The following DUSP29 variants were observed in gnomAD, a reference collection of about 807,000 sequenced individuals.
The protein encoded by DUSP29 is dual specificity phosphatase 29, also known as atypical dual-specific protein phosphatase.
In DUSP29, 12 loss-of-function variants were observed where a neutral mutation model predicts 13.5. That is an observed-to-expected ratio of 0.89 (90% CI 0.57 to 1.44). DUSP29 has a LOEUF of 1.44. Ranked by LOEUF, DUSP29 falls within the 40% of genes most tolerant of loss-of-function variation. DUSP29 has a pLI of 0.00. For missense variants in DUSP29, 308 were observed against 301.1 expected (o/e 1.02, Z -0.17); for synonymous variants, 134 against 128.7 (o/e 1.04, Z -0.28).
intron 2 of DUSP29, 46 bp from the exon 3 acceptor site, chr10:75,044,063 C>T (rs374283163): frequency 5.1e-6 from 8 of 1,566,174 alleles, no homozygotes; most frequent in East Asian, 2.3e-5. Flanking sequence ...CGCCCTGCCC[C>T]GGGTCCGGGA....
chr10:75,043,842 A>G lies in DUSP29; in HGVS notation c.376T>C (p.Tyr126His), dbSNP rs746477341. The G allele has an allele frequency of 3.1e-6, 5 of 1,610,190 alleles. No individual in the cohort carries two copies. The highest frequency in any genetic ancestry group is 4.2e-6 in the Non-Finnish European group (5 of 1,179,810). Residue 126 changes from tyrosine to histidine, a missense_variant, in exon 3 of 4, where the codon TAC (tyrosine) becomes CAC (histidine). By Grantham distance (83) the Tyr-to-His change is moderately conservative. Transcript: ENST00000338487. ...CTGTCGATGAAGGCTGCCGCCGGGT[A>G]GAAGAAGACACTGAGGTCGAAGGTG... ...LPTFDLSVFF[Y>H]PAAAFIDRAL...
At chr10:75,044,069 C>G (rs769867412) in intron 2 of DUSP29, 52 bp from the exon 3 acceptor site, 4 of 1,551,708 alleles carry the variant, frequency 2.6e-6, no homozygotes, top group East Asian at 4.6e-5. Context: ...GCCCCGGGTC[C>G]GGGAAACTCA....
intron 2 of DUSP29, among the ~76,000 whole-genome samples, chr10:75,055,912 G>A (rs1160799215): frequency 2.6e-5 from 4 of 152,022 alleles, no homozygotes; most frequent in Non-Finnish European, 5.9e-5. Context: ...TATAGTATGG[G>A]GTTTTGTTTG....
At chr10:75,040,545 A>G (rs560274132) in intron 3 of DUSP29, among the ~76,000 whole-genome samples, 19 of 152,326 alleles carry the variant, frequency 1.2e-4, no homozygotes, top group African/African-American at 4.6e-4. Flanking sequence ...TGACAAATTC[A>G]GTTTTTTCAG....
intron 2 of DUSP29, among the ~76,000 whole-genome samples, chr10:75,044,381 A>G (rs1401033340): frequency 6.6e-6 from 1 of 152,112 alleles, no homozygotes; most frequent in Admixed American, 6.5e-5. Context: ...TAACCTGTTC[A>G]TCAGGGCTGC....
chr10:75,038,199 C>A, intron 3 of DUSP29, 122 bp from the exon 4 acceptor site: 1 of 1,289,668 alleles, frequency 7.8e-7, no homozygotes, highest in Non-Finnish European at 1.0e-6. Flanking sequence ...AGCACTGTGC[C>A]CCACAGCTGC....
intron 1 of DUSP29, among the ~76,000 whole-genome samples, chr10:75,067,593 G>A (rs534054081): frequency 4.6e-5 from 7 of 152,142 alleles, no homozygotes; most frequent in East Asian, 1.9e-4. Context: ...AAGCTTTACC[G>A]TGTATGCCCC....
In DUSP29 at chr10:75,060,461, G is replaced by C. The variant is rs1414499299; in HGVS notation, c.-34-1913C>G. 1.0e-4 allele frequency among the ~76,000 whole-genome samples: 13 copies of C among 127,318 alleles called. No individual in the cohort carries two copies. In the Admixed American group the frequency reaches 1.0e-3, roughly 10 times the overall value. The allele number at this position is 127,318 out of a possible 152,430, so 83.5% of individuals were successfully genotyped here. On this transcript the variant is annotated intron_variant, in intron 1 of 3. Transcript: ENST00000338487. ...ACTGCTCTCCTGGGCAACACAGTGA[G>C]ACCTTATAAAAAAAAAAAAAAAAAC...
intron 3 of DUSP29, among the ~76,000 whole-genome samples, chr10:75,040,825 G>A (rs1410302553): frequency 1.3e-5 from 2 of 152,222 alleles, no homozygotes; most frequent in Non-Finnish European, 2.9e-5. Flanking sequence ...TATTTTAAGA[G>A]TGACTGAGGT....
chr10:75,059,930 G>A (rs952908908), intron 1 of DUSP29, among the ~76,000 whole-genome samples: 10 of 152,054 alleles, frequency 6.6e-5, no homozygotes, highest in Non-Finnish European at 1.0e-4. Flanking sequence ...AGGCCGAGGC[G>A]GGCAGATCAC....
intron 1 of DUSP29, among the ~76,000 whole-genome samples, chr10:75,065,422 G>A (rs188200453): frequency 6.6e-5 from 10 of 151,560 alleles, no homozygotes; most frequent in Admixed American, 3.3e-4. Context: ...TGGAGCTCAC[G>A]GGTTCAAGCG....
At chr10:75,045,832 A>G (rs903362867) in intron 2 of DUSP29, among the ~76,000 whole-genome samples, 2 of 152,322 alleles carry the variant, frequency 1.3e-5, no homozygotes, top group Admixed American at 6.5e-5. Context: ...CAATCTGGCC[A>G]GACAAGGTGG....
chr10:75,064,852 A>G (rs556096258), intron 1 of DUSP29, among the ~76,000 whole-genome samples: 2 of 152,258 alleles, frequency 1.3e-5, no homozygotes, highest in South Asian at 2.1e-4. Context: ...TCAAAATGTC[A>G]ATACCATGGG....
chr10:75,068,730 T>A (rs965387750), intron 1 of DUSP29, among the ~76,000 whole-genome samples: 3 of 152,136 alleles, frequency 2.0e-5, no homozygotes, highest in Non-Finnish European at 4.4e-5. Flanking sequence ...ACTGCTAGGG[T>A]ACGTGGGGAG....
intron 1 of DUSP29, among the ~76,000 whole-genome samples, chr10:75,063,252 T>C (rs1472343842): frequency 6.6e-6 from 1 of 152,182 alleles, no homozygotes; most frequent in Non-Finnish European, 1.5e-5. Context: ...GAGAAATCTA[T>C]TGATTTTTAA....
chr10:75,060,819 A>G (rs1412613755), intron 1 of DUSP29, among the ~76,000 whole-genome samples: 2 of 152,232 alleles, frequency 1.3e-5, no homozygotes, highest in Non-Finnish European at 2.9e-5. Context: ...AAAGAGGTCT[A>G]TATCTATCAG....
chr10:75,051,970 T>G (rs560026361), intron 2 of DUSP29, among the ~76,000 whole-genome samples: 3 of 152,338 alleles, frequency 2.0e-5, no homozygotes, highest in African/African-American at 7.2e-5. Context: ...CATGCTGACT[T>G]GAGGCTCCCT....
chr10:75,070,933 G>T (rs1036121664), intron 1 of DUSP29, among the ~76,000 whole-genome samples: 1 of 152,230 alleles, frequency 6.6e-6, no homozygotes, highest in Non-Finnish European at 1.5e-5. Context: ...AAATCAGGCC[G>T]AAGAGGACAA....
At chr10:75,062,015 G>C (rs933077377) in intron 1 of DUSP29, among the ~76,000 whole-genome samples, 10 of 152,186 alleles carry the variant, frequency 6.6e-5, no homozygotes, top group Admixed American at 4.6e-4. Context: ...CCTCCCCCAC[G>C]GGTGGTCATT....
Sources: gnomAD v4.1 joint callset for allele counts (sites outside exome capture counted in the v4.1 genomes callset) on GRCh38, gnomAD v4.1.1 for gene constraint, MANE v1.5 for transcripts, NCBI Gene and HGNC (gene_info 2026-07-23, HGNC 2026-07-21) for gene names.